The following PCLO variants were observed in gnomAD, a reference collection of about 807,000 sequenced individuals.
The protein encoded by PCLO is piccolo presynaptic cytomatrix protein, also known as protein piccolo.
In PCLO, 82 loss-of-function variants were observed where a neutral mutation model predicts 427.5. That is an observed-to-expected ratio of 0.19 (90% CI 0.16 to 0.23). The LOEUF (loss-of-function observed/expected upper bound fraction) is 0.23, where lower values mean the gene tolerates loss of function less well. Ranked by LOEUF, PCLO falls within the 10% of genes least tolerant of loss-of-function variation. The pLI, the probability that PCLO is intolerant of heterozygous loss-of-function variation, is 1.00. For missense variants in PCLO, 6,239 were observed against 6,115.9 expected (o/e 1.02, Z -0.67); for synonymous variants, 2,357 against 2,155.4 (o/e 1.09, Z -2.59).
chr7:83,062,212 C>G (rs1319808839), intron 3 of PCLO, among the ~76,000 whole-genome samples: 4 of 152,122 alleles, frequency 2.6e-5, no homozygotes, highest in African/African-American at 9.7e-5. Flanking sequence ...GATCTGAACT[C>G]AAGGTTCTCA....
chr7:83,068,165 A>G (rs2116341459), intron 3 of PCLO, among the ~76,000 whole-genome samples: 1 of 152,290 alleles, frequency 6.6e-6, no homozygotes, highest in African/African-American at 2.4e-5. Context: ...GTCTTTGCAG[A>G]TGAAGAAATT....
At chr7:83,115,492 T>G (rs1791108639) in intron 3 of PCLO, among the ~76,000 whole-genome samples, 1 of 152,074 alleles carries the variant, frequency 6.6e-6, no homozygotes, top group African/African-American at 2.4e-5. Context: ...TATAAGCTGT[T>G]AAAACCTTAT....
At chr7:83,100,775 A>T (rs1316699161) in intron 3 of PCLO, among the ~76,000 whole-genome samples, 1 of 152,182 alleles carries the variant, frequency 6.6e-6, no homozygotes, top group Non-Finnish European at 1.5e-5. Context: ...TACCTATGTA[A>T]CAAACCTGTA....
chr7:82,803,223 C>T (rs187545752), intron 21 of PCLO, among the ~76,000 whole-genome samples: 70 of 152,068 alleles, frequency 4.6e-4, no homozygotes, highest in African/African-American at 1.3e-3. Flanking sequence ...TTTATCAGTA[C>T]GCTACACTGG....
intron 3 of PCLO, among the ~76,000 whole-genome samples, chr7:83,123,257 C>T (rs1791333901): frequency 6.6e-6 from 1 of 152,102 alleles, no homozygotes; most frequent in Non-Finnish European, 1.5e-5. Flanking sequence ...AACAGCATGG[C>T]ACTGGCATAA....
At chr7:83,009,139 T>C (rs1160201844) in intron 3 of PCLO, among the ~76,000 whole-genome samples, 1 of 151,814 alleles carries the variant, frequency 6.6e-6, no homozygotes, top group East Asian at 1.9e-4. Context: ...ATATAGCATG[T>C]CTACTGGTTC....
Position 83,162,568 on chromosome 7 carries a change from C to T in PCLO, c.25G>A (p.Gly9Arg), listed in dbSNP as rs1792473943. Reference sequence around the variant, plus strand: ...GCCAGCCCTTCGGGGAGCCCTTCCCCTTCCAAGCTCGCCTCGTTGCCCATG... The same window carrying T: ...GCCAGCCCTTCGGGGAGCCCTTCCCTTTCCAAGCTCGCCTCGTTGCCCATG... MGNEASLE[G>R]EGLPEGLAAA... The change falls in exon 1 of 25, where the codon GGG becomes AGG. Residue 9 changes from glycine to arginine, a missense_variant. Gly to Arg is a moderately radical substitution (Grantham distance 125). Coordinates refer to ENST00000333891, the MANE Select transcript of PCLO (RefSeq NM_033026.6). The T allele has an allele frequency of 6.5e-7, 1 of 1,549,214 alleles. No homozygotes were observed. Among genetic ancestry groups the T allele is most frequent in the Non-Finnish European group, 8.7e-7 (1 of 1,148,514 alleles).
rs1470207197 is a variant in PCLO, at chr7:82,805,685, T to C, written c.14933+3A>G. ...TTGTAGTAACAAAAAGAGACCCACT[T>C]ACATCCTCGGAATAGGAAATAGATT... On this transcript the variant is annotated splice_donor_region_variant and intron_variant, in intron 21 of 24. Transcript: ENST00000333891. 8.7e-6 allele frequency: 14 copies of C among 1,612,290 alleles called. No homozygotes were observed. The highest frequency in any genetic ancestry group is 1.1e-5 in the Non-Finnish European group (13 of 1,179,156).
chr7:83,090,706 C>T (rs1790355946), intron 3 of PCLO, among the ~76,000 whole-genome samples: 1 of 151,992 alleles, frequency 6.6e-6, no homozygotes, highest in Non-Finnish European at 1.5e-5. Flanking sequence ...ACTATTATTC[C>T]CATTTTTAAG....
chr7:82,977,848 T>G (rs955667313), intron 3 of PCLO, among the ~76,000 whole-genome samples: 1 of 152,178 alleles, frequency 6.6e-6, no homozygotes, highest in African/African-American at 2.4e-5. Flanking sequence ...TTTCTTTATA[T>G]CCTCCTTTGA....
In PCLO at chr7:82,842,851, A is replaced by G. The variant is rs190183054; in HGVS notation, c.14047-1342T>C. Among the ~76,000 whole-genome samples the G allele has an allele frequency of 1.4e-4, 21 of 152,266 alleles. No homozygotes were observed. In the East Asian group the frequency reaches 3.9e-3, roughly 28 times the overall value. On this transcript the variant is annotated intron_variant, in intron 13 of 24. Coordinates refer to ENST00000333891, the MANE Select transcript of PCLO (RefSeq NM_033026.6). Reference sequence around the variant, plus strand: ...AGAAATACAAATTAAAACCACAATGAGATATCAACTCACCCCAGTCAAAAT... The same window carrying G: ...AGAAATACAAATTAAAACCACAATGGGATATCAACTCACCCCAGTCAAAAT...
At chr7:82,962,411 C>T (rs1795673842) in intron 4 of PCLO, among the ~76,000 whole-genome samples, 1 of 151,870 alleles carries the variant, frequency 6.6e-6, no homozygotes, top group Non-Finnish European at 1.5e-5. Context: ...AAACTACATT[C>T]CTTTGTCAGC....
intron 4 of PCLO, among the ~76,000 whole-genome samples, chr7:82,959,018 T>G (rs1031149936): frequency 1.3e-5 from 2 of 152,052 alleles, no homozygotes; most frequent in Non-Finnish European, 2.9e-5. Context: ...GTCAAGAAAA[T>G]GATCTTTCAC....
At chr7:82,809,768 T>C (rs1015003817) in intron 20 of PCLO, among the ~76,000 whole-genome samples, 3 of 151,600 alleles carry the variant, frequency 2.0e-5, no homozygotes, top group Admixed American at 6.6e-5. Flanking sequence ...CCATGTTCTT[T>C]GTCAAAGAAA....
chr7:82,965,927 T>A lies in PCLO; in HGVS notation c.3861A>T (p.Glu1287Asp), dbSNP rs191587794. The stretch of plus-strand genomic sequence containing the variant: ...CCATCTTGGTCTGTGGTTGTTTCCC[T>A]TCTTGCACTGTCTTTGGAGCCACTC... ...EGRVAPKTVQ[E>D]GKQPQTKMEG... Residue 1287 changes from glutamate to aspartate, a missense_variant, in exon 4 of 25, where the codon GAA (glutamate) becomes GAT (aspartate). Transcript: ENST00000333891. The A allele has an allele frequency of 6.2e-7, 1 of 1,614,030 alleles. No homozygotes were observed. Among genetic ancestry groups the A allele is most frequent in the Admixed American group, 1.7e-5 (1 of 60,030 alleles).
intron 3 of PCLO, among the ~76,000 whole-genome samples, chr7:83,058,552 A>C (rs1469045549): frequency 6.6e-6 from 1 of 152,182 alleles, no homozygotes; most frequent in Non-Finnish European, 1.5e-5. Context: ...TCAATTAAAT[A>C]TATATATACC....
At chr7:83,107,158 C>T (rs6950924) in intron 3 of PCLO, among the ~76,000 whole-genome samples, 69,786 of 151,794 alleles carry the variant, frequency 0.46, 16,433 homozygotes, top group East Asian at 0.71. Context: ...ATTATTGCAC[C>T]GCCCGGGTGA....
chr7:82,992,304 G>T (rs1796396374), intron 3 of PCLO, among the ~76,000 whole-genome samples: 1 of 151,962 alleles, frequency 6.6e-6, no homozygotes, highest in Non-Finnish European at 1.5e-5. Flanking sequence ...ATCTCTGGAG[G>T]GGAAAGAAGA....
chr7:82,993,274 T>C (rs1378409282), intron 3 of PCLO, among the ~76,000 whole-genome samples: 1 of 152,002 alleles, frequency 6.6e-6, no homozygotes, highest in Non-Finnish European at 1.5e-5. Context: ...TATATTTCTA[T>C]AGAATATAAA....
Sources: gnomAD v4.1 joint callset for allele counts (sites outside exome capture counted in the v4.1 genomes callset) on GRCh38, gnomAD v4.1.1 for gene constraint, MANE v1.5 for transcripts, NCBI Gene and HGNC (gene_info 2026-07-23, HGNC 2026-07-21) for gene names.